Variants in BEND6 observed in about 807,000 individuals in gnomAD.
BEND6 encodes the protein BEN domain containing 6, also known as BEN domain-containing protein 6.
BEND6 carries 24 observed loss-of-function variants against 31.8 expected under a neutral mutation model. The ratio of observed to expected loss-of-function variants is 0.75; its 90% confidence interval spans 0.55 to 1.06. The LOEUF is 1.06. Among genes scored for constraint, BEND6 ranks in the 50% least tolerant of loss-of-function variants. The pLI, the probability that BEND6 is intolerant of heterozygous loss-of-function variation, is 0.00. For synonymous variants in BEND6, 109 were observed against 114.6 expected, an observed-to-expected ratio of 0.95 and a Z score of 0.31; for missense variants, 294 against 327.4, an observed-to-expected ratio of 0.90 and a Z score of 0.79.
intron 1 of BEND6, among the ~76,000 whole-genome samples, chr6:56,958,099 A>T (rs1255778920): frequency 6.6e-6 from 1 of 152,176 alleles, no homozygotes; most frequent in Non-Finnish European, 1.5e-5. Flanking sequence ...CGGCATAAAC[A>T]CCAAAGGCAA....
chr6:56,964,335 T>C (rs1825392627), intron 1 of BEND6, among the ~76,000 whole-genome samples: 1 of 152,190 alleles, frequency 6.6e-6, no homozygotes, highest in Admixed American at 6.5e-5. Context: ...TTCTATCTTT[T>C]CATAGAAGGA....
Position 56,985,219 on chromosome 6 carries a change from G to A in BEND6, c.120+3289G>A, listed in dbSNP as rs1259281233. On this transcript the variant is annotated intron_variant, in intron 2 of 6. Transcript: ENST00000370746. ...TCTCAGTAATTCAATTATATTTCAG[G>A]TTTTAGGTATTCGTACTTCTGGGTA... is the stretch of plus-strand genomic sequence containing the variant. Among the ~76,000 whole-genome samples, 3 of 152,096 alleles carry A rather than the reference G, an allele frequency of 2.0e-5. No individual in the cohort carries two copies. The East Asian group carries it at 5.8e-4, about 29-fold the overall frequency.
intron 1 of BEND6, among the ~76,000 whole-genome samples, chr6:56,961,258 C>T (rs1003908449): frequency 6.6e-6 from 1 of 152,134 alleles, no homozygotes; most frequent in Non-Finnish European, 1.5e-5. Flanking sequence ...GGGGACTATC[C>T]GTCCATGGTT....
chr6:57,011,598 G>A (rs1827343589), intron 3 of BEND6, among the ~76,000 whole-genome samples: 2 of 150,516 alleles, frequency 1.3e-5, no homozygotes, highest in South Asian at 4.2e-4. Context: ...CACACCCGTA[G>A]ACCCAGCTAC....
intron 4 of BEND6, among the ~76,000 whole-genome samples, chr6:57,015,661 C>T (rs2013674): frequency 0.11 from 16,328 of 151,080 alleles, 1,108 homozygotes; most frequent in Middle Eastern, 0.18. Flanking sequence ...AAAAATTAAC[C>T]GGACGTGATG....
At chr6:56,962,937 C>G (rs1825340546) in intron 1 of BEND6, among the ~76,000 whole-genome samples, 1 of 152,184 alleles carries the variant, frequency 6.6e-6, no homozygotes, top group Non-Finnish European at 1.5e-5. Flanking sequence ...AGTATCTACT[C>G]TCTGCTAAAT....
chr6:57,000,504 C>G lies in BEND6; in HGVS notation c.298+7949C>G, dbSNP rs1197590352. The stretch of plus-strand genomic sequence containing the variant: ...TCTCGTGTTTATCTGCTGACCTTCT[C>G]TCCACTATTATCCTATGACCCTGCC... On this transcript the variant is annotated intron_variant, in intron 3 of 6. Transcript: ENST00000370746. Among the ~76,000 whole-genome samples the G allele has an allele frequency of 2.0e-5, 3 of 151,666 alleles. No individual in the cohort carries two copies. In the South Asian group the frequency reaches 6.3e-4, roughly 32 times the overall value.
intron 1 of BEND6, among the ~76,000 whole-genome samples, chr6:56,960,655 A>G (rs932247763): frequency 3.9e-5 from 6 of 152,238 alleles, no homozygotes; most frequent in Non-Finnish European, 8.8e-5. Flanking sequence ...TAATGCATCA[A>G]TGCACTCATA....
chr6:56,973,976 C>T (rs1360150036), intron 1 of BEND6, among the ~76,000 whole-genome samples: 1 of 152,190 alleles, frequency 6.6e-6, no homozygotes, highest in African/African-American at 2.4e-5. Context: ...TGATCTTGCA[C>T]TTCTGGCCTC....
intron 2 of BEND6, among the ~76,000 whole-genome samples, chr6:56,988,019 CTTTT>C (rs34912760): frequency 7.2e-6 from 1 of 139,050 alleles, no homozygotes; most frequent in East Asian, 2.1e-4. Flanking sequence ...TTTTTTCTTT[CTTTT>C]TTTTTTTTTT....
chr6:56,993,484 A>G (rs940669259), intron 3 of BEND6, among the ~76,000 whole-genome samples: 1 of 152,222 alleles, frequency 6.6e-6, no homozygotes, highest in Non-Finnish European at 1.5e-5. Flanking sequence ...TTATGAAAAT[A>G]GAGGGGTTCA....
intron 1 of BEND6, among the ~76,000 whole-genome samples, chr6:56,980,090 ATGATG>A (rs2127851234): frequency 6.6e-6 from 1 of 152,352 alleles, no homozygotes; most frequent in South Asian, 2.1e-4. Context: ...CACAGAGTGC[ATGATG>A]TGAGAAGGAA....
At chr6:57,000,517 C>T (rs1826891299) in intron 3 of BEND6, among the ~76,000 whole-genome samples, 1 of 151,576 alleles carries the variant, frequency 6.6e-6, no homozygotes, top group South Asian at 2.1e-4. Context: ...CACTATTATC[C>T]TATGACCCTG....
chr6:56,959,722 T>G (rs1211528024), intron 1 of BEND6, among the ~76,000 whole-genome samples: 6 of 152,212 alleles, frequency 3.9e-5, no homozygotes, highest in Admixed American at 3.9e-4. Context: ...TGCAGTAATA[T>G]CAAATATTAT....
intron 3 of BEND6, chr6:57,004,782 C>A: frequency 1.0e-6 from 1 of 971,596 alleles, no homozygotes; most frequent in Non-Finnish European, 1.6e-6. Context: ...AGGTGAAATC[C>A]ATCAAAGAAT....
At chr6:56,997,119 C>G (rs2127868690) in intron 3 of BEND6, among the ~76,000 whole-genome samples, 1 of 152,280 alleles carries the variant, frequency 6.6e-6, no homozygotes, top group African/African-American at 2.4e-5. Context: ...TCTCTGTGAT[C>G]CAGACACACT....
chr6:56,957,819 C>T (rs952828693), intron 1 of BEND6, among the ~76,000 whole-genome samples: 11 of 152,104 alleles, frequency 7.2e-5, no homozygotes, highest in Admixed American at 2.6e-4. Flanking sequence ...TTTGATACCA[C>T]GTATGTAGAA....
intron 1 of BEND6, among the ~76,000 whole-genome samples, chr6:56,963,461 G>A (rs995405275): frequency 4.6e-5 from 7 of 152,054 alleles, no homozygotes; most frequent in African/African-American, 9.7e-5. Flanking sequence ...CATCATTATC[G>A]CTTGGGTAAA....
rs188361734 is a variant in BEND6, at chr6:56,977,992, T to A, written c.-100-3719T>A. Reference sequence around the variant, plus strand: ...AAAGGGTGTACAATTCAACCAAGTATGGTGGCTCATACCTGTAATCCTAAT... The same window carrying A: ...AAAGGGTGTACAATTCAACCAAGTAAGGTGGCTCATACCTGTAATCCTAAT... On this transcript the variant is annotated intron_variant, in intron 1 of 6. Coordinates refer to ENST00000370746, the MANE Select transcript of BEND6 (RefSeq NM_152731.3). 4.0e-5 allele frequency among the ~76,000 whole-genome samples: 6 copies of A among 151,394 alleles called. No homozygotes were observed. In the East Asian group the frequency reaches 1.2e-3, roughly 29 times the overall value.
Sources: gnomAD v4.1 joint callset for allele counts (sites outside exome capture counted in the v4.1 genomes callset) on GRCh38, gnomAD v4.1.1 for gene constraint, MANE v1.5 for transcripts, NCBI Gene and HGNC (gene_info 2026-07-23, HGNC 2026-07-21) for gene names.